PARD3B: variants seen among roughly 807,000 people sequenced by gnomAD.
The protein encoded by PARD3B is partitioning defective 3 homolog B.
A neutral mutation model predicts 130.2 loss-of-function variants in PARD3B; 103 were observed. The ratio of observed to expected loss-of-function variants is 0.79; its 90% CI spans 0.67 to 0.93. The LOEUF (loss-of-function observed/expected upper bound fraction) is 0.93. Ranked by LOEUF, PARD3B falls within the 40% of genes least tolerant of loss-of-function variation. PARD3B has a pLI of 0.00. For synonymous variants in PARD3B, 583 were observed against 553.2 expected, an observed-to-expected ratio of 1.05 and a Z score of -0.76; for missense variants, 1,609 against 1,499.2, an observed-to-expected ratio of 1.07 and a Z score of -1.21.
At chr2:204,813,549 T>C (rs896009490) in intron 2 of PARD3B, among the ~76,000 whole-genome samples, 3 of 152,116 alleles carry the variant, frequency 2.0e-5, no homozygotes, top group Non-Finnish European at 2.9e-5. Context: ...TTATTCTTCA[T>C]GGACCATGCT....
intron 2 of PARD3B, among the ~76,000 whole-genome samples, chr2:204,818,018 A>G (rs2043206482): frequency 6.6e-6 from 1 of 152,166 alleles, no homozygotes; most frequent in African/African-American, 2.4e-5. Flanking sequence ...AAATTTATTT[A>G]TAAAGGCATA....
At chr2:205,009,198 A>C (rs899291540) in intron 3 of PARD3B, among the ~76,000 whole-genome samples, 5 of 152,210 alleles carry the variant, frequency 3.3e-5, no homozygotes, top group Non-Finnish European at 7.4e-5. Context: ...ATAACATAAA[A>C]TTGGTATCAT....
At chr2:205,553,537 C>G in intron 22 of PARD3B, 134 bp downstream of exon 22, 1 of 749,964 alleles carries the variant, frequency 1.3e-6, no homozygotes, top group Non-Finnish European at 2.2e-6. Flanking sequence ...TCTGCTGTAG[C>G]CCTAGTTCCA....
Position 205,093,801 on chromosome 2 carries a change from GC to G in PARD3B, c.505-10624del, listed in dbSNP as rs140692034. Among the ~76,000 whole-genome samples, 1,354 of 152,246 alleles carry G rather than the reference GC, an allele frequency of 8.9e-3. 13 individuals are homozygous for G. Among genetic ancestry groups the G allele is most frequent in the African/African-American group, 0.031 (1,275 of 41,554 alleles). ...AAAACATTTGTATTTAAATAGAAAT[GC>G]ATGGTGGTTTCCTTGTGTGATCAGA... On this transcript the variant is annotated intron_variant, in intron 4 of 22. Coordinates refer to ENST00000406610, the MANE Select transcript of PARD3B (RefSeq NM_001302769.2).
chr2:205,406,801 G>C (rs2106035088), intron 19 of PARD3B, among the ~76,000 whole-genome samples: 1 of 151,396 alleles, frequency 6.6e-6, no homozygotes, highest in South Asian at 2.1e-4. Flanking sequence ...CTCCCGAGTA[G>C]CTGGGACTAC....
At position 205,244,069 on chromosome 2, in the gene PARD3B, A is replaced by C. The variant is rs2039466856; in HGVS notation, c.2141-1709A>C. Among the ~76,000 whole-genome samples the C allele has an allele frequency of 6.6e-6, 1 of 152,206 alleles. No individual in the cohort carries two copies. Among genetic ancestry groups the C allele is most frequent in the South Asian group, 2.1e-4 (1 of 4,832 alleles). ...TACCTCCCAACTAGAAATAAAACAAAAAGTCTAACAATATTTTTAAGCAGT... is the reference window on the plus strand; with the variant it reads ...TACCTCCCAACTAGAAATAAAACAACAAGTCTAACAATATTTTTAAGCAGT... On this transcript the variant is annotated intron_variant, in intron 15 of 22. Transcript: ENST00000406610. The surrounding 1 kb of genome is among the most constrained non-coding windows in gnomAD (Gnocchi z 4.7).
At chr2:204,867,414 A>G (rs962355782) in intron 2 of PARD3B, among the ~76,000 whole-genome samples, 2 of 152,162 alleles carry the variant, frequency 1.3e-5, no homozygotes, top group Non-Finnish European at 2.9e-5. Context: ...GTCTGAGAAT[A>G]TCTGGGTTGG....
chr2:204,776,427 C>T (rs549250458), intron 2 of PARD3B, among the ~76,000 whole-genome samples: 9 of 151,974 alleles, frequency 5.9e-5, no homozygotes, highest in Non-Finnish European at 1.3e-4. Context: ...TTTAAGTTAC[C>T]TGTATAAGCA....
At chr2:205,226,422 A>G (rs2038553651) in intron 15 of PARD3B, among the ~76,000 whole-genome samples, 1 of 152,170 alleles carries the variant, frequency 6.6e-6, no homozygotes. Flanking sequence ...TACTCAAGAA[A>G]TCGTTGCCGA....
intron 3 of PARD3B, among the ~76,000 whole-genome samples, chr2:204,965,900 G>C (rs971197252): frequency 6.6e-6 from 1 of 152,158 alleles, no homozygotes; most frequent in African/African-American, 2.4e-5. Context: ...ACAACTCCAA[G>C]AGAAATAACA....
chr2:205,484,751 A>G (rs754457372), intron 20 of PARD3B, among the ~76,000 whole-genome samples: 14 of 152,184 alleles, frequency 9.2e-5, no homozygotes, highest in East Asian at 1.9e-4. Flanking sequence ...AAGCATTGTT[A>G]TGTGAAGTGC....
At chr2:204,561,485 G>A (rs1227966997) in intron 1 of PARD3B, among the ~76,000 whole-genome samples, 1 of 152,110 alleles carries the variant, frequency 6.6e-6, no homozygotes, top group Non-Finnish European at 1.5e-5. Flanking sequence ...GGAAGCCCCA[G>A]TGAGAGAACA....
intron 2 of PARD3B, among the ~76,000 whole-genome samples, chr2:204,790,414 C>A (rs899600244): frequency 6.6e-6 from 1 of 152,148 alleles, no homozygotes. Flanking sequence ...GATAAACCAG[C>A]AAAATCTTTG....
chr2:205,137,820 C>T (rs1234626134), intron 10 of PARD3B, among the ~76,000 whole-genome samples: 1 of 152,198 alleles, frequency 6.6e-6, no homozygotes, highest in Non-Finnish European at 1.5e-5. Flanking sequence ...AGTGTCCTTA[C>T]ATGGCATTCT....
chr2:205,102,791 C>T (rs1057163077), intron 4 of PARD3B, among the ~76,000 whole-genome samples: 3 of 152,016 alleles, frequency 2.0e-5, no homozygotes, highest in South Asian at 2.1e-4. Context: ...CTTGGCTGGG[C>T]GCGGTGGCTC....
At chr2:204,574,134 A>G (rs1381320256) in intron 1 of PARD3B, among the ~76,000 whole-genome samples, 2 of 152,120 alleles carry the variant, frequency 1.3e-5, no homozygotes, top group Non-Finnish European at 2.9e-5. Flanking sequence ...TTGTTTGTTT[A>G]GTTATTGTGT....
chr2:205,169,483 T>G (rs1048912990), intron 11 of PARD3B, among the ~76,000 whole-genome samples: 5 of 152,196 alleles, frequency 3.3e-5, no homozygotes, highest in African/African-American at 1.2e-4. Context: ...TCTCCTATCT[T>G]CTTGTCTGTT....
chr2:205,584,888 A>G lies in PARD3B; in HGVS notation c.3261-30568A>G, dbSNP rs2054138727. On this transcript the variant is annotated intron_variant, in intron 22 of 22. Transcript: ENST00000406610. The surrounding 1 kb of genome is among the most constrained non-coding windows in gnomAD (Gnocchi z 5.5). Reference sequence around the variant, plus strand: ...ACACTTTTTTCCCCTTAGATTGTACATAATACCAGGCACACCTGGATTTCT... The same window carrying G: ...ACACTTTTTTCCCCTTAGATTGTACGTAATACCAGGCACACCTGGATTTCT... Among the ~76,000 whole-genome samples the G allele has an allele frequency of 6.6e-6, 1 of 152,128 alleles. No individual in the cohort carries two copies. The highest frequency in any genetic ancestry group is 2.1e-4 in the South Asian group (1 of 4,820).
chr2:204,633,114 A>G (rs2034748383), intron 1 of PARD3B, among the ~76,000 whole-genome samples: 1 of 152,190 alleles, frequency 6.6e-6, no homozygotes, highest in Admixed American at 6.5e-5. Flanking sequence ...AGATTGCCAG[A>G]TCATAAGGTA....
Sources: gnomAD v4.1 joint callset for allele counts (sites outside exome capture counted in the v4.1 genomes callset) on GRCh38, gnomAD v4.1.1 for gene constraint, Gnocchi (gnomAD v3.1) non-coding constraint, MANE v1.5 for transcripts, NCBI Gene and HGNC (gene_info 2026-07-23, HGNC 2026-07-21) for gene names.